The following ATP8B2 variants were observed in gnomAD, a reference collection of about 807,000 sequenced individuals.
The protein encoded by ATP8B2 is phospholipid-transporting ATPase ID.
In ATP8B2, 70 loss-of-function variants were observed where a neutral mutation model predicts 133.4. The observed-to-expected ratio is 0.52, with a 90% confidence interval of 0.43 to 0.64. The LOEUF (loss-of-function observed/expected upper bound fraction) is 0.64, where lower values mean the gene tolerates loss of function less well. Among genes scored for constraint, ATP8B2 ranks in the 30% least tolerant of loss-of-function variants. The probability of loss-of-function intolerance (pLI) is 0.00; values close to 1 mark genes in which losing one functional copy is unlikely to be tolerated. For synonymous variants in ATP8B2, 517 were observed against 589.5 expected, an observed-to-expected ratio of 0.88 and a Z score of 1.78; for missense variants, 1,101 against 1,535.7, an observed-to-expected ratio of 0.72 and a Z score of 4.73.
At chr1:154,329,093 C>T in intron 2 of ATP8B2, 4 of 1,283,542 alleles carry the variant, frequency 3.1e-6, no homozygotes, top group Non-Finnish European at 4.1e-6. Context: ...GAGGCAGCGC[C>T]TGGCAGCTCT....
intron 11 of ATP8B2, among the ~76,000 whole-genome samples, chr1:154,335,043 C>G (rs1487611546): frequency 1.3e-5 from 2 of 152,178 alleles, no homozygotes; most frequent in Non-Finnish European, 2.9e-5. Flanking sequence ...CTGAATCCTT[C>G]TCTTGTTTAG....
At position 154,342,778 on chromosome 1, in the gene ATP8B2, C is replaced by T. The variant is rs372420733; in HGVS notation, c.1288-18C>T. On this transcript the variant is annotated intron_variant, in intron 14 of 27. Coordinates refer to ENST00000368489, the MANE Select transcript of ATP8B2 (RefSeq NM_001370597.1). ...CTGGCACTCTAGCCTTTCCTAAGAG[C>T]CTTCTTATGTGTTTCAGAGGCCTGA... The T allele has an allele frequency of 1.2e-5, 19 of 1,612,518 alleles. No individual in the cohort carries two copies. Among genetic ancestry groups the T allele is most frequent in the Admixed American group, 1.7e-5 (1 of 59,878 alleles).
intron 11 of ATP8B2, 135 bp from the exon 12 acceptor site, chr1:154,337,213 A>T: frequency 1.0e-6 from 1 of 969,238 alleles, no homozygotes; most frequent in Non-Finnish European, 1.5e-6. Context: ...TGTGGCCCAG[A>T]GACCATGGGT....
chr1:154,343,132 T>C lies in ATP8B2; in HGVS notation c.1473T>C (p.Ala491=). 1 of 1,613,974 alleles carries C rather than the reference T, an allele frequency of 6.2e-7. No individual in the cohort carries two copies. Among genetic ancestry groups the C allele is most frequent in the Non-Finnish European group, 8.5e-7 (1 of 1,179,978 alleles). The change falls in exon 16 of 28, where the codon GCT becomes GCC. Residue 491 remains alanine, a synonymous_variant. Coordinates refer to ENST00000368489, the MANE Select transcript of ATP8B2 (RefSeq NM_001370597.1). This position sits in a 1 kb window ranked among gnomAD's most constrained non-coding sequence, Gnocchi z 5.8. ...ACCCAGGAGAGCTGTACTACAAAGC[T>C]CAGTCCCCAGATGAGGGGGCCCTGG... ...EKNEGELYYK[A]QSPDEGALVT...
At chr1:154,332,808 C>A in intron 9 of ATP8B2, 111 bp downstream of exon 9, 1 of 826,250 alleles carries the variant, frequency 1.2e-6, no homozygotes, top group South Asian at 1.6e-5. Flanking sequence ...TTATGCAACT[C>A]CCTGGACTGT....
chr1:154,328,891 G>A lies in ATP8B2; in HGVS notation c.31+719G>A, dbSNP rs1318781811. 1.5e-5 allele frequency: 19 copies of A among 1,266,088 alleles called. No individual in the cohort carries two copies. Among genetic ancestry groups the A allele is most frequent in the Non-Finnish European group, 3.1e-6 (3 of 972,788 alleles). The allele number at this position is 1,266,088 out of a possible 1,614,324, so 78.4% of individuals were successfully genotyped here. A position where few individuals can be genotyped will look rare whatever the true frequency, so the allele number is the denominator to read the frequency against. On this transcript the variant is annotated intron_variant, in intron 2 of 27. Coordinates refer to ENST00000368489, the MANE Select transcript of ATP8B2 (RefSeq NM_001370597.1). This position sits in a 1 kb window ranked among gnomAD's most constrained non-coding sequence, Gnocchi z 4.6. ...GACGGCTGGGGCTCCCCTCTGAGCG[G>A]CTGCGGCTCCTGCACCTCCCCGGGG...
At position 154,328,233 on chromosome 1, in the gene ATP8B2, A is replaced by C; in HGVS notation, c.31+61A>C. 3 of 1,523,112 alleles carry C rather than the reference A, an allele frequency of 2.0e-6. No individual in the cohort carries two copies. The highest frequency in any genetic ancestry group is 2.7e-6 in the Non-Finnish European group (3 of 1,098,566). The allele number at this position is 1,523,112 out of a possible 1,614,324, so 94.3% of individuals were successfully genotyped here. On this transcript the variant is annotated intron_variant, in intron 2 of 27. Coordinates refer to ENST00000368489, the MANE Select transcript of ATP8B2 (RefSeq NM_001370597.1). This position sits in a 1 kb window ranked among gnomAD's most constrained non-coding sequence, Gnocchi z 4.6. ...TCAAGAGTGGGTGTTGTTATGGCTC[A>C]GGGAGCAAAAGGAAAAGGGACAACT...
In ATP8B2 at chr1:154,345,057, C is replaced by T. The variant is rs1016332009; in HGVS notation, c.2373C>T (p.Pro791=). 1 of 1,614,168 alleles carries T rather than the reference C, an allele frequency of 6.2e-7. No homozygotes were observed. Among genetic ancestry groups the T allele is most frequent in the Non-Finnish European group, 8.5e-7 (1 of 1,180,032 alleles). Residue 791 remains proline (P), a synonymous_variant, in exon 22 of 28, where the codon CCC becomes CCT. Transcript: ENST00000368489. The surrounding 1 kb of genome is among the most constrained non-coding windows in gnomAD (Gnocchi z 5.6). The part of the protein sequence containing the change: ...CKAVICCRVT[P]LQKAQVVELV... ...CTGTCATCTGCTGCCGGGTGACCCC[C>T]TTGCAGAAGGCACAGGTGGTAGAAC... is the stretch of plus-strand genomic sequence containing the variant.
rs1377420926 is a variant in ATP8B2, at chr1:154,349,794, T to C, written c.*676T>C. The C allele has an allele frequency of 6.5e-6, 1 of 153,470 alleles. No individual in the cohort carries two copies. The highest frequency in any genetic ancestry group is 1.5e-5 in the Non-Finnish European group (1 of 68,700). 9.5% of individuals were successfully genotyped at this position (153,470 alleles called of 1,614,324 possible). A position where few individuals can be genotyped will look rare whatever the true frequency, so the allele number is the denominator to read the frequency against. On this transcript the variant is annotated 3_prime_UTR_variant, in exon 28 of 28. Coordinates refer to ENST00000368489, the MANE Select transcript of ATP8B2 (RefSeq NM_001370597.1). ...CGGCTCTGCCTGCAGTGACCAGTGCTCTGTGGGGCAGAGGAGCTGACCAGG... is the reference window on the plus strand; with the variant it reads ...CGGCTCTGCCTGCAGTGACCAGTGCCCTGTGGGGCAGAGGAGCTGACCAGG...
intron 9 of ATP8B2, among the ~76,000 whole-genome samples, chr1:154,332,993 C>A (rs1202339956): frequency 6.6e-6 from 1 of 152,092 alleles, no homozygotes; most frequent in Non-Finnish European, 1.5e-5. Flanking sequence ...CCTTATAAGA[C>A]AAACCATACA....
intron 13 of ATP8B2, 90 bp from the exon 14 acceptor site, chr1:154,342,390 C>T (rs1686415094): frequency 2.3e-6 from 3 of 1,317,240 alleles, no homozygotes; most frequent in Non-Finnish European, 3.3e-6. Flanking sequence ...GGCTCAGTGC[C>T]TACGGGGATT....
Position 154,337,496 on chromosome 1 carries a change from C to T in ATP8B2, c.986C>T (p.Ser329Phe). 2 of 1,614,166 alleles carry T rather than the reference C, an allele frequency of 1.2e-6. No individual in the cohort carries two copies. The highest frequency in any genetic ancestry group is 1.7e-6 in the Non-Finnish European group (2 of 1,180,034). The change falls in exon 12 of 28, where the codon TCC becomes TTC. Residue 329 changes from serine to phenylalanine, a missense_variant. Transcript: ENST00000368489. ...AFFSGFLSFW[S>F]YIIILNTVVP... Reference sequence around the variant, plus strand: ...TTCTCTGGCTTCCTCTCCTTCTGGTCCTACATCATCATCCTCAACACCGTT... The same window carrying T: ...TTCTCTGGCTTCCTCTCCTTCTGGTTCTACATCATCATCCTCAACACCGTT...
rs1311532237 is a variant in ATP8B2 at position 154,342,607 on chromosome 1, C to T, written c.1287+84C>T. On this transcript the variant is annotated intron_variant, in intron 14 of 27. Coordinates refer to ENST00000368489, the MANE Select transcript of ATP8B2 (RefSeq NM_001370597.1). ...AGTGTAGTCAGGAGTGATGTGTTGT[C>T]TGGATAGGAAATGGAAGCTGCTTGG... 3 of 1,503,464 alleles carry T rather than the reference C, an allele frequency of 2.0e-6. No individual in the cohort carries two copies. The East Asian group carries it at 6.8e-5, about 34-fold the overall frequency. The allele number at this position is 1,503,464 out of a possible 1,614,324, so 93.1% of individuals were successfully genotyped here.
chr1:154,334,284 A>C lies in ATP8B2; in HGVS notation c.748+19A>C, dbSNP rs746454699. ...TTTGCAGGTGAGCCTCCTAGCATCC[A>C]AAGAAAGAAGGGTAAGAGTGACTCA... On this transcript the variant is annotated intron_variant, in intron 10 of 27. Coordinates refer to ENST00000368489, the MANE Select transcript of ATP8B2 (RefSeq NM_001370597.1). The surrounding 1 kb of genome is among the most constrained non-coding windows in gnomAD (Gnocchi z 4.6). The C allele has an allele frequency of 1.1e-5, 17 of 1,612,798 alleles. No homozygotes were observed. The South Asian group carries it at 1.9e-4, about 18-fold the overall frequency.
intron 26 of ATP8B2, among the ~76,000 whole-genome samples, chr1:154,347,989 AAG>A (rs1030286368): frequency 1.4e-5 from 2 of 147,186 alleles, no homozygotes; most frequent in African/African-American, 4.9e-5. Flanking sequence ...GGGTCCAAAG[AAG>A]AGAGAGAAAT....
chr1:154,348,612 G>C, intron 27 of ATP8B2, 74 bp downstream of exon 27: 1 of 1,564,456 alleles, frequency 6.4e-7, no homozygotes, highest in Admixed American at 1.7e-5. Context: ...ACACTGGGGG[G>C]CTCTGTGGGG....
intron 1 of ATP8B2, chr1:154,327,900 C>A: frequency 6.3e-7 from 1 of 1,593,674 alleles, no homozygotes; most frequent in African/African-American, 1.3e-5. Flanking sequence ...CCATGTCACC[C>A]AAGGCAGGGG....
Position 154,343,691 on chromosome 1 carries a change from T to G in ATP8B2, c.1758+123T>G. On this transcript the variant is annotated intron_variant, in intron 17 of 27. Transcript: ENST00000368489. This position sits in a 1 kb window ranked among gnomAD's most constrained non-coding sequence, Gnocchi z 5.8. ...AACGTGATGTTTTGATGTGTATATA[T>G]AGTGAAGTGATTACTACAGTCAGAC... 1 of 1,029,990 alleles carries G rather than the reference T, an allele frequency of 9.7e-7. No individual in the cohort carries two copies. Among genetic ancestry groups the G allele is most frequent in the South Asian group, 1.5e-5 (1 of 68,940 alleles). The allele number at this position is 1,029,990 out of a possible 1,614,324, so 63.8% of individuals were successfully genotyped here. A position where few individuals can be genotyped will look rare whatever the true frequency, so the allele number is the denominator to read the frequency against.
In ATP8B2 at chr1:154,330,454, G is replaced by A. The variant is rs754348764; in HGVS notation, c.90G>A (p.Ala30=). The A allele has an allele frequency of 3.1e-6, 5 of 1,613,536 alleles. No individual in the cohort carries two copies. The highest frequency in any genetic ancestry group is 3.3e-5 in the Admixed American group (2 of 59,978). Residue 30 remains alanine, a splice_region_variant and synonymous_variant, in exon 3 of 28, where the codon GCG becomes GCA. Coordinates refer to ENST00000368489, the MANE Select transcript of ATP8B2 (RefSeq NM_001370597.1). ...AATACAATGAGAAATTCCAGTATGC[G>A]GTAAGCGACTCTAGACCACCTGTTC... ...DREYNEKFQY[A]SNCIKTSKYN...
Sources: gnomAD v4.1 joint callset for allele counts (sites outside exome capture counted in the v4.1 genomes callset) on GRCh38, gnomAD v4.1.1 for gene constraint, Gnocchi (gnomAD v3.1) non-coding constraint, MANE v1.5 for transcripts, NCBI Gene and HGNC (gene_info 2026-07-23, HGNC 2026-07-21) for gene names.